PATJ: variants seen among roughly 807,000 people sequenced by gnomAD.
The protein encoded by PATJ is PATJ crumbs cell polarity complex component.
A neutral mutation model predicts 224.9 loss-of-function variants in PATJ; 190 were observed. That is an observed-to-expected ratio of 0.84 (90% CI 0.75 to 0.95). PATJ has a LOEUF of 0.95. Among genes scored for constraint, PATJ ranks in the 40% least tolerant of loss-of-function variants. The probability of loss-of-function intolerance (pLI) is 0.00; values close to 1 mark genes in which losing one functional copy is unlikely to be tolerated. For missense variants in PATJ, 2,121 were observed against 2,270.3 expected, an observed-to-expected ratio of 0.93 and a Z score of 1.34; for synonymous variants, 769 against 820.3, an observed-to-expected ratio of 0.94 and a Z score of 1.07.
rs764384263 is a variant in PATJ at position 62,128,953 on chromosome 1, G to C, written c.5271+8G>C. The C allele has an allele frequency of 6.4e-7, 1 of 1,564,840 alleles. No homozygotes were observed. The highest frequency in any genetic ancestry group is 8.8e-7 in the Non-Finnish European group (1 of 1,135,896). On this transcript the variant is annotated splice_region_variant and intron_variant, in intron 41 of 43. Coordinates refer to ENST00000642238, the MANE Select transcript of PATJ (RefSeq NM_001350145.3). ...GGGCGCATTATCCTGCAGGTATTGC[G>C]ATCAACGGAGCACGCAGCTGTGCAA...
Position 61,766,323 on chromosome 1 carries a change from T to C in PATJ, c.234T>C (p.Ser78=). The C allele has an allele frequency of 6.2e-7, 1 of 1,611,880 alleles. No homozygotes were observed. The highest frequency in any genetic ancestry group is 8.5e-7 in the Non-Finnish European group (1 of 1,179,026). The change falls in exon 4 of 44, where the codon TCT becomes TCC. Residue 78 remains serine (S), a synonymous_variant. Transcript: ENST00000642238. The stretch of plus-strand genomic sequence containing the variant: ...ATTGTTCAGCCAACTTTGATTTTTC[T>C]AGGAAAGGTTTGTTAGTGTTCACAG... ...PSDCSANFDF[S]RKGLLVFTDG... is the part of the protein sequence containing the mutation.
rs1364575027 is a variant in PATJ, at chr1:62,161,255, T to TCAC, written c.*203_*205dup. 6 of 406,656 alleles carry TCAC rather than the reference T, an allele frequency of 1.5e-5. No individual in the cohort carries two copies. Among genetic ancestry groups the TCAC allele is most frequent in the Non-Finnish European group, 2.6e-5 (6 of 233,836 alleles). 25.2% of individuals were successfully genotyped at this position (406,656 alleles called of 1,614,324 possible). On this transcript the variant is annotated 3_prime_UTR_variant, in exon 44 of 44. Coordinates refer to ENST00000642238, the MANE Select transcript of PATJ (RefSeq NM_001350145.3). ...ATCTCCTAATGTTTCCCAGTTCCTG[T>TCAC]CACCTGTTGGCGAGGTTGATTTCTA...
Position 61,833,713 on chromosome 1 carries a change from G to A in PATJ, c.2040G>A (p.Trp680Ter). Residue 680 changes from tryptophan (W) to a stop codon, truncating the protein, a stop_gained, in exon 17 of 44, where the codon TGG becomes TGA. Coordinates refer to ENST00000642238, the MANE Select transcript of PATJ (RefSeq NM_001350145.3). LOFTEE classifies it high-confidence loss of function. Reference protein sequence around the residue: ...EEDDDGELALWSPEVKIVELV... With the variant: ...EEDDDGELAL Reference sequence around the variant, plus strand: ...ATGATGATGGGGAATTAGCACTGTGGTCCCCTGAAGTCAAGATTGTTGAAC... The same window carrying A: ...ATGATGATGGGGAATTAGCACTGTGATCCCCTGAAGTCAAGATTGTTGAAC... 1 of 1,613,292 alleles carries A rather than the reference G, an allele frequency of 6.2e-7. No individual in the cohort carries two copies. The highest frequency in any genetic ancestry group is 1.7e-4 in the Middle Eastern group (1 of 6,058).
chr1:62,029,054 A>G (rs187275167), intron 29 of PATJ, among the ~76,000 whole-genome samples: 27 of 152,264 alleles, frequency 1.8e-4, no homozygotes, highest in Admixed American at 6.5e-4. Flanking sequence ...TAATATGTCT[A>G]TCTTTATGCC....
intron 1 of PATJ, among the ~76,000 whole-genome samples, chr1:61,754,848 C>T (rs574759279): frequency 1.3e-5 from 2 of 151,912 alleles, no homozygotes; most frequent in East Asian, 1.9e-4. Flanking sequence ...TCTCTTGAGC[C>T]CAGGAGTTCA....
At chr1:61,813,316 C>T (rs1655225947) in intron 14 of PATJ, among the ~76,000 whole-genome samples, 1 of 137,502 alleles carries the variant, frequency 7.3e-6, no homozygotes, top group African/African-American at 2.7e-5. Flanking sequence ...CTTTCCTGAT[C>T]AACCTCTATG....
chr1:61,999,649 C>G (rs1645626807), intron 28 of PATJ, among the ~76,000 whole-genome samples: 2 of 152,040 alleles, frequency 1.3e-5, no homozygotes, highest in Non-Finnish European at 2.9e-5. Context: ...GCCTGGGTGA[C>G]AGAGTGAGAC....
Position 62,114,198 on chromosome 1 carries a change from T to C in PATJ, c.4607T>C (p.Leu1536Pro), listed in dbSNP as rs751408992. ...AACTTGGAGATTTTCCCTGTGGATC[T>C]GCAGAAGAAAGCTGGCCGGGGCCTG... ...EENLEIFPVD[L>P]QKKAGRGLGL... Residue 1536 changes from leucine (L) to proline (P), a missense_variant, in exon 35 of 44, where the codon CTG becomes CCG. Physicochemically the swap from Leu to Pro is moderately conservative, Grantham distance 98. Transcript: ENST00000642238. 7.4e-6 allele frequency: 12 copies of C among 1,614,042 alleles called. No individual in the cohort carries two copies. In the Admixed American group the frequency reaches 8.3e-5, roughly 11 times the overall value.
chr1:61,798,053 G>T (rs561000686), intron 11 of PATJ, among the ~76,000 whole-genome samples: 6 of 152,200 alleles, frequency 3.9e-5, no homozygotes, highest in Non-Finnish European at 8.8e-5. Flanking sequence ...TGATCTGCCT[G>T]CCTTGGTCTT....
chr1:62,046,325 G>A (rs1652569512), intron 30 of PATJ, among the ~76,000 whole-genome samples: 2 of 152,138 alleles, frequency 1.3e-5, no homozygotes, highest in Admixed American at 1.3e-4. Context: ...AGCTCTACTT[G>A]TAATGTAACA....
intron 22 of PATJ, among the ~76,000 whole-genome samples, chr1:61,899,292 CAA>C (rs1670796443): frequency 6.6e-6 from 1 of 152,036 alleles, no homozygotes; most frequent in African/African-American, 2.4e-5. Context: ...GATACAGAAA[CAA>C]ATTTGAAATT....
chr1:62,153,646 G>A (rs1246857806), intron 43 of PATJ, among the ~76,000 whole-genome samples, 165 bp downstream of exon 43: 1 of 152,186 alleles, frequency 6.6e-6, no homozygotes, highest in African/African-American at 2.4e-5. Flanking sequence ...AGTGGGAGAA[G>A]AGTTCTTTTA....
chr1:62,052,275 C>A (rs991007), intron 31 of PATJ, among the ~76,000 whole-genome samples: 1 of 151,950 alleles, frequency 6.6e-6, no homozygotes, highest in Non-Finnish European at 1.5e-5. Flanking sequence ...TATCTTGCGA[C>A]TGCCACAGAT....
chr1:62,129,330 G>A (rs1666042407), intron 41 of PATJ, among the ~76,000 whole-genome samples: 1 of 152,096 alleles, frequency 6.6e-6, no homozygotes. Flanking sequence ...AAAGGAAGAG[G>A]AAAAATACAA....
intron 34 of PATJ, among the ~76,000 whole-genome samples, chr1:62,109,364 G>A (rs1663524979): frequency 6.6e-6 from 1 of 152,172 alleles, no homozygotes; most frequent in South Asian, 2.1e-4. Context: ...CTCCCAAGAT[G>A]AAACCAGAGA....
chr1:61,864,292 G>C lies in PATJ; in HGVS notation c.2494G>C (p.Asp832His). Reference sequence around the variant, plus strand: ...AGAACTTGTGGATGAACCATTTCTAGATCTGGGAAAGTCTTTCCATTCCCA... The same window carrying C: ...AGAACTTGTGGATGAACCATTTCTACATCTGGGAAAGTCTTTCCATTCCCA... ...KEELVDEPFL[D>H]LGKSFHSQQK... The change falls in exon 20 of 44, where the codon GAT becomes CAT. Residue 832 changes from aspartate to histidine, a missense_variant. By Grantham distance (81) the Asp-to-His change is moderately conservative. Coordinates refer to ENST00000642238, the MANE Select transcript of PATJ (RefSeq NM_001350145.3). 6.2e-7 allele frequency: 1 copy of C among 1,613,500 alleles called. No individual in the cohort carries two copies. Among genetic ancestry groups the C allele is most frequent in the Non-Finnish European group, 8.5e-7 (1 of 1,179,568 alleles).
At chr1:62,093,872 A>T (rs1661077309) in intron 33 of PATJ, among the ~76,000 whole-genome samples, 1 of 152,192 alleles carries the variant, frequency 6.6e-6, no homozygotes, top group African/African-American at 2.4e-5. Context: ...AGACTTGGGT[A>T]ACGGAATTCC....
chr1:61,879,016 C>T (rs1454887591), intron 21 of PATJ, among the ~76,000 whole-genome samples: 1 of 152,142 alleles, frequency 6.6e-6, no homozygotes, highest in Non-Finnish European at 1.5e-5. Flanking sequence ...GAACTCCTGA[C>T]CTCATGATCC....
At chr1:61,809,919 C>T (rs1341683645) in intron 14 of PATJ, among the ~76,000 whole-genome samples, 5 of 149,906 alleles carry the variant, frequency 3.3e-5, no homozygotes, top group South Asian at 2.1e-4. Flanking sequence ...GATCTCAGCT[C>T]ATTGCAACCT....
Sources: allele counts gnomAD v4.1 joint callset (sites outside exome capture counted in the v4.1 genomes callset), GRCh38; gene constraint gnomAD v4.1.1; transcripts MANE v1.5; gene names NCBI Gene and HGNC (gene_info 2026-07-23, HGNC 2026-07-21).